Variants in AIMP1 observed in about 807,000 individuals in gnomAD.
AIMP1 encodes the protein aminoacyl tRNA synthetase complex interacting multifunctional protein 1.
Under a neutral mutation model 33.1 loss-of-function variants are expected in AIMP1, and 24 were observed. The ratio of observed to expected loss-of-function variants is 0.73; its 90% CI spans 0.53 to 1.02. The LOEUF is 1.02. Among genes scored for constraint, AIMP1 ranks in the 50% least tolerant of loss-of-function variants. The pLI is 0.00. For synonymous variants in AIMP1, 120 were observed against 121.5 expected, an observed-to-expected ratio of 0.99 and a Z score of 0.08; for missense variants, 367 against 364.8, an observed-to-expected ratio of 1.01 and a Z score of -0.05.
chr4:106,316,874 C>T (rs1768940553), intron 1 of AIMP1: 2 of 403,714 alleles, frequency 5.0e-6, no homozygotes, highest in Non-Finnish European at 9.0e-6. Context: ...ATGTGTGTGT[C>T]AAAGGACTTA....
intron 1 of AIMP1, among the ~76,000 whole-genome samples, chr4:106,324,539 C>T (rs746795194): frequency 3.2e-4 from 49 of 151,912 alleles, no homozygotes; most frequent in Non-Finnish European, 3.4e-4. Flanking sequence ...TCCTAATTGA[C>T]GTTTTCTTCT....
At chr4:106,324,909 C>A (rs1238378627) in intron 1 of AIMP1, 76 bp from the exon 2 acceptor site, 2 of 1,202,214 alleles carry the variant, frequency 1.7e-6, no homozygotes, top group Non-Finnish European at 2.2e-6. Flanking sequence ...TCCTTTCAGA[C>A]TGCTTTTTCA....
intron 1 of AIMP1, 133 bp downstream of exon 1, chr4:106,316,727 C>T: frequency 1.3e-6 from 1 of 745,154 alleles, no homozygotes; most frequent in African/African-American, 1.8e-5. Context: ...CGCAGCAGGA[C>T]CAGCCCTGGC....
chr4:106,316,592 C>A lies in AIMP1; in HGVS notation c.-28C>A. 1 of 1,551,476 alleles carries A rather than the reference C, an allele frequency of 6.4e-7. No individual in the cohort carries two copies. Among genetic ancestry groups the A allele is most frequent in the Non-Finnish European group, 8.7e-7 (1 of 1,146,884 alleles). ...TCTCGGAACCCGTGGTCCTCCGCTT[C>A]ATGTGAGTGACGTCGTGGCGGGTCA... is the stretch of plus-strand genomic sequence containing the variant. On this transcript the variant is annotated splice_region_variant and 5_prime_UTR_variant, in exon 1 of 7. Coordinates refer to ENST00000672341, the MANE Select transcript of AIMP1 (RefSeq NM_001142416.2).
At chr4:106,324,111 T>A (rs938018000) in intron 1 of AIMP1, among the ~76,000 whole-genome samples, 13 of 152,056 alleles carry the variant, frequency 8.5e-5, no homozygotes, top group Non-Finnish European at 1.8e-4. Context: ...GTGTCTATTA[T>A]CTAGTTTTTA....
intron 1 of AIMP1, among the ~76,000 whole-genome samples, chr4:106,323,644 A>T (rs1160473118): frequency 2.6e-5 from 4 of 151,354 alleles, no homozygotes; most frequent in Non-Finnish European, 4.4e-5. Flanking sequence ...GAATTTTAGT[A>T]TCCTGAGTAC....
Position 106,343,584 on chromosome 4 carries a change from T to C in AIMP1, c.773-3942T>C, listed in dbSNP as rs995459008. Among the ~76,000 whole-genome samples the C allele has an allele frequency of 1.9e-4, 29 of 152,186 alleles. 1 individual carries two copies. The highest frequency in any genetic ancestry group is 1.0e-4 in the Non-Finnish European group (7 of 68,030). On this transcript the variant is annotated intron_variant, in intron 6 of 6. Transcript: ENST00000672341. ...TTGAACCTTGGTAGATGAGAAATCA[T>C]AGTGGTCTATGCTCTAACAACATTT...
In AIMP1 at chr4:106,321,159, G is replaced by T. The variant is rs527799242; in HGVS notation, c.-25-3826G>T. The T allele has an allele frequency of 3.5e-3, 600 of 171,746 alleles. 2 individuals carry two copies. The highest frequency in any genetic ancestry group is 4.8e-3 in the Non-Finnish European group (402 of 83,214). 10.6% of individuals were successfully genotyped at this position (171,746 alleles called of 1,614,324 possible). Reference sequence around the variant, plus strand: ...AGTGCCGAGATTGCAGCCTCTGCCCGGCCGCCACCCCGTCTAGGAAGTGAG... The same window carrying T: ...AGTGCCGAGATTGCAGCCTCTGCCCTGCCGCCACCCCGTCTAGGAAGTGAG... On this transcript the variant is annotated intron_variant, in intron 1 of 6. Transcript: ENST00000672341.
At chr4:106,323,740 CACAA>C (rs1280142692) in intron 1 of AIMP1, among the ~76,000 whole-genome samples, 2 of 151,838 alleles carry the variant, frequency 1.3e-5, no homozygotes, top group Admixed American at 6.6e-5. Context: ...ATGTAGCTAT[CACAA>C]ACAATAATGA....
chr4:106,336,989 C>T lies in AIMP1; in HGVS notation c.724C>T (p.Pro242Ser). The change falls in exon 6 of 7, where the codon CCA becomes TCA. Residue 242 changes from proline (P) to serine (S), a missense_variant. Coordinates refer to ENST00000672341, the MANE Select transcript of AIMP1 (RefSeq NM_001142416.2). ...SPEKIEILAP[P>S]NGSVPGDRIT... ...AGAGAAAATTGAAATCTTGGCTCCT[C>T]CAAATGGGTCTGTTCCTGGAGACAG... 6.2e-7 allele frequency: 1 copy of T among 1,614,086 alleles called. No individual in the cohort carries two copies. Among genetic ancestry groups the T allele is most frequent in the Non-Finnish European group, 8.5e-7 (1 of 1,179,966 alleles).
chr4:106,335,598 C>T (rs2125925599), intron 5 of AIMP1, among the ~76,000 whole-genome samples: 1 of 152,274 alleles, frequency 6.6e-6, no homozygotes. Flanking sequence ...AATCCTGTTG[C>T]TACTCTTAAA....
At chr4:106,325,290 T>G (rs1769416724) in intron 2 of AIMP1, among the ~76,000 whole-genome samples, 172 bp downstream of exon 2, 1 of 152,084 alleles carries the variant, frequency 6.6e-6, no homozygotes, top group African/African-American at 2.4e-5. Flanking sequence ...TTGGCTTTGG[T>G]TTTGTTTGTT....
In AIMP1 at chr4:106,327,488, A is replaced by G. The variant is rs769252050; in HGVS notation, c.147A>G (p.Arg49=). 1.2e-6 allele frequency: 2 copies of G among 1,613,088 alleles called. No homozygotes were observed. The highest frequency in any genetic ancestry group is 2.2e-5 in the South Asian group (2 of 91,050). The change falls in exon 3 of 7, where the codon CGA becomes CGG. Residue 49 remains arginine, a synonymous_variant. Transcript: ENST00000672341. The part of the protein sequence containing the change: ...QATLREEKKL[R]VENAKLKKEI... ...CTTTGAGGGAAGAGAAGAAACTTCG[A>G]GTTGAAAATGCTAAACTGAAGAAAG...
chr4:106,318,266 A>G (rs987662922), intron 1 of AIMP1, among the ~76,000 whole-genome samples: 24 of 152,194 alleles, frequency 1.6e-4, no homozygotes, highest in African/African-American at 5.6e-4. Flanking sequence ...CTTCAGATGC[A>G]TTGTTCTCAG....
rs192332405 is a variant in AIMP1 at position 106,341,307 on chromosome 4, T to C, written c.772+4270T>C. On this transcript the variant is annotated intron_variant, in intron 6 of 6. Transcript: ENST00000672341. The stretch of plus-strand genomic sequence containing the variant: ...TTTGTTGCAATTGCTTTTGGAGACT[T>C]CGTCATAAATTCTTTGCCAAGGGTG... 1.7e-3 allele frequency among the ~76,000 whole-genome samples: 258 copies of C among 152,314 alleles called. 2 individuals carry two copies. Among genetic ancestry groups the C allele is most frequent in the African/African-American group, 5.9e-3 (244 of 41,576 alleles).
In AIMP1 at chr4:106,321,586, G is replaced by T. The variant is rs547955308; in HGVS notation, c.-25-3399G>T. ...GGCCCCGTCCGGGAGGTGGGGGGCA[G>T]CCCCCGCCCGGCCGGCGCCCCGTCT... is the stretch of plus-strand genomic sequence containing the variant. On this transcript the variant is annotated intron_variant, in intron 1 of 6. Transcript: ENST00000672341. 16 of 151,062 alleles carry T rather than the reference G, an allele frequency of 1.1e-4. No individual in the cohort carries two copies. In the South Asian group the frequency reaches 3.3e-3, roughly 31 times the overall value. The allele number at this position is 151,062 out of a possible 1,614,324, so 9.4% of individuals were successfully genotyped here. A position where few individuals can be genotyped will look rare whatever the true frequency, so the allele number is the denominator to read the frequency against.
At chr4:106,327,922 C>T (rs1769516623) in intron 3 of AIMP1, among the ~76,000 whole-genome samples, 154 bp from the exon 4 acceptor site, 1 of 151,988 alleles carries the variant, frequency 6.6e-6, no homozygotes, top group South Asian at 2.1e-4. Flanking sequence ...AATTTTTTGG[C>T]AGCCATTTTA....
rs3792717 is a variant in AIMP1 at position 106,327,709 on chromosome 4, G to A, written c.223+145G>A. The A allele has an allele frequency of 4.8e-4, 306 of 640,646 alleles. 3 individuals carry two copies. In the East Asian group the frequency reaches 8.2e-3, roughly 17 times the overall value. 39.7% of individuals were successfully genotyped at this position (640,646 alleles called of 1,614,324 possible). On this transcript the variant is annotated intron_variant, in intron 3 of 6. Coordinates refer to ENST00000672341, the MANE Select transcript of AIMP1 (RefSeq NM_001142416.2). ...AATGACTCAGATTTATCAATAAAAT[G>A]GGGGCATGGATAGAACCTACTTCTT...
intron 1 of AIMP1, 38 bp downstream of exon 1, chr4:106,316,632 G>C (rs755163543): frequency 3.2e-6 from 5 of 1,546,816 alleles, no homozygotes; most frequent in Non-Finnish European, 3.5e-6. Flanking sequence ...CTCGGGGATC[G>C]CCGATTGCGA....
Sources: gnomAD v4.1 joint callset for allele counts (sites outside exome capture counted in the v4.1 genomes callset) on GRCh38, gnomAD v4.1.1 for gene constraint, MANE v1.5 for transcripts, NCBI Gene and HGNC (gene_info 2026-07-23, HGNC 2026-07-21) for gene names.